NR6A1: variants seen among roughly 807,000 people sequenced by gnomAD.
NR6A1 encodes the protein nuclear receptor subfamily 6 group A member 1.
Under a neutral mutation model 59.1 loss-of-function variants are expected in NR6A1, and 7 were observed. That is an observed-to-expected ratio of 0.12 (90% confidence interval 0.07 to 0.22). NR6A1 has a LOEUF of 0.22. Ranked by LOEUF, NR6A1 falls within the 10% of genes least tolerant of loss-of-function variation. NR6A1 has a pLI of 1.00. For synonymous variants in NR6A1, 243 were observed against 236.1 expected (o/e 1.03, Z -0.27); for missense variants, 468 against 611.6 (o/e 0.77, Z 2.48).
At chr9:124,756,773 G>C (rs377591305) in intron 1 of NR6A1, among the ~76,000 whole-genome samples, 2 of 152,182 alleles carry the variant, frequency 1.3e-5, no homozygotes, top group Non-Finnish European at 2.9e-5. Flanking sequence ...GACTGTGGGA[G>C]ATGATATAAT....
intron 1 of NR6A1, among the ~76,000 whole-genome samples, chr9:124,746,848 A>C (rs565531828): frequency 1.6e-4 from 25 of 152,336 alleles, no homozygotes; most frequent in African/African-American, 6.0e-4. Context: ...CTGCATTGGA[A>C]AAATAGGTGA....
intron 2 of NR6A1, among the ~76,000 whole-genome samples, chr9:124,669,478 T>G (rs1042795735): frequency 2.6e-5 from 4 of 152,240 alleles, no homozygotes; most frequent in African/African-American, 9.6e-5. Flanking sequence ...CTTCAGTACC[T>G]TCACAATGTG....
At chr9:124,763,151 T>C (rs1241658680) in intron 1 of NR6A1, among the ~76,000 whole-genome samples, 2 of 152,242 alleles carry the variant, frequency 1.3e-5, no homozygotes, top group African/African-American at 4.8e-5. Flanking sequence ...TGGCATGTAC[T>C]TTTCCATTTT....
At chr9:124,742,899 T>C (rs1588846549) in intron 1 of NR6A1, among the ~76,000 whole-genome samples, 1 of 152,150 alleles carries the variant, frequency 6.6e-6, no homozygotes, top group Non-Finnish European at 1.5e-5. Flanking sequence ...AAATTAAAAA[T>C]AGAAATAAAA....
intron 2 of NR6A1, among the ~76,000 whole-genome samples, chr9:124,695,723 TACTC>T (rs1201360800): frequency 6.6e-6 from 1 of 152,106 alleles, no homozygotes; most frequent in Non-Finnish European, 1.5e-5. Context: ...ACACAGAAGG[TACTC>T]CACGCAGTCT....
intron 2 of NR6A1, among the ~76,000 whole-genome samples, chr9:124,657,269 A>T (rs1837288398): frequency 6.6e-6 from 1 of 152,224 alleles, no homozygotes; most frequent in African/African-American, 2.4e-5. Flanking sequence ...CATCTAAAAA[A>T]TTCCAAGTAC....
At chr9:124,615,922 T>C (rs1835875909) in intron 2 of NR6A1, among the ~76,000 whole-genome samples, 1 of 151,986 alleles carries the variant, frequency 6.6e-6, no homozygotes, top group Admixed American at 6.5e-5. Context: ...GCAACCTCCA[T>C]GACCATGTTG....
chr9:124,631,914 C>A (rs954455007), intron 2 of NR6A1, among the ~76,000 whole-genome samples: 1 of 152,086 alleles, frequency 6.6e-6, no homozygotes, highest in Non-Finnish European at 1.5e-5. Flanking sequence ...TGAGAACATG[C>A]GGTATTTGGC....
chr9:124,722,036 A>C (rs1839578871), intron 2 of NR6A1, among the ~76,000 whole-genome samples: 1 of 152,210 alleles, frequency 6.6e-6, no homozygotes, highest in South Asian at 2.1e-4. Context: ...TGCATAGTAA[A>C]TATTAGCTAT....
In NR6A1 at chr9:124,519,353, T is replaced by G. The variant is rs534261081; in HGVS notation, c.*3352A>C. The G allele has an allele frequency of 6.6e-6, 1 of 152,190 alleles. No individual in the cohort carries two copies. The highest frequency in any genetic ancestry group is 1.5e-5 in the Non-Finnish European group (1 of 68,066). 9.4% of individuals were successfully genotyped at this position (152,190 alleles called of 1,614,324 possible). On this transcript the variant is annotated 3_prime_UTR_variant, in exon 10 of 10. Transcript: ENST00000487099. Reference sequence around the variant, plus strand: ...GGGGCTGGGTGTCCTCTGAGCCAGGTTGAGCGCTTTGAGACAGATTCTGGG... The same window carrying G: ...GGGGCTGGGTGTCCTCTGAGCCAGGGTGAGCGCTTTGAGACAGATTCTGGG...
At chr9:124,550,539 G>T (rs963490288) in intron 3 of NR6A1, among the ~76,000 whole-genome samples, 10 of 149,618 alleles carry the variant, frequency 6.7e-5, no homozygotes, top group African/African-American at 2.5e-4. Context: ...TTTTTTTTTT[G>T]TATAGACGGG....
At chr9:124,754,278 G>A (rs74703353) in intron 1 of NR6A1, among the ~76,000 whole-genome samples, 344 of 152,264 alleles carry the variant, frequency 2.3e-3, no homozygotes, top group Non-Finnish European at 3.7e-3. Context: ...AAACCTATAT[G>A]AGATAATTCC....
intron 2 of NR6A1, among the ~76,000 whole-genome samples, chr9:124,556,370 A>T (rs182149378): frequency 2.0e-5 from 3 of 152,302 alleles, no homozygotes; most frequent in East Asian, 3.9e-4. Flanking sequence ...AGTCACCAGA[A>T]GTTGGAAGAG....
chr9:124,767,995 A>G (rs537860947), intron 1 of NR6A1, among the ~76,000 whole-genome samples: 226 of 152,346 alleles, frequency 1.5e-3, no homozygotes, highest in Non-Finnish European at 2.7e-3. Context: ...AAATGAGTTC[A>G]TGTTTGTTAT....
intron 2 of NR6A1, among the ~76,000 whole-genome samples, chr9:124,684,941 C>T (rs1026504829): frequency 8.6e-5 from 13 of 152,026 alleles, no homozygotes; most frequent in African/African-American, 3.1e-4. Flanking sequence ...CAGATTTTGA[C>T]TTGAAGGCTA....
rs546968963 is a variant in NR6A1 at position 124,592,656 on chromosome 9, C to T, written c.143-38086G>A. Among the ~76,000 whole-genome samples, 48 of 152,292 alleles carry T rather than the reference C, an allele frequency of 3.2e-4. No homozygotes were observed. In the East Asian group the frequency reaches 8.7e-3, roughly 28 times the overall value. On this transcript the variant is annotated intron_variant, in intron 2 of 9. Coordinates refer to ENST00000487099, the MANE Select transcript of NR6A1 (RefSeq NM_033334.4). ...AGAAGCCTAGAATAAACTAAACTTG[C>T]TAATTTCAAGCGCAGGTCTCCCCGC...
At chr9:124,657,977 A>ACCAAGGGTTG (rs905742638) in intron 2 of NR6A1, among the ~76,000 whole-genome samples, 6 of 152,168 alleles carry the variant, frequency 3.9e-5, no homozygotes, top group Admixed American at 3.9e-4. Context: ...TAAAATCAAG[A>ACCAAGGGTTG]CCAAGGGTTG....
chr9:124,532,720 G>C (rs2131336637), intron 7 of NR6A1, among the ~76,000 whole-genome samples: 1 of 152,280 alleles, frequency 6.6e-6, no homozygotes, highest in South Asian at 2.1e-4. Flanking sequence ...ATGTTCTAAA[G>C]ACAGCAACGC....
intron 2 of NR6A1, among the ~76,000 whole-genome samples, chr9:124,723,669 GC>G (rs770194157): frequency 1.3e-5 from 2 of 152,184 alleles, no homozygotes; most frequent in Non-Finnish European, 2.9e-5. Flanking sequence ...ATACTACATA[GC>G]CTAGAACAGT....
Sources: gnomAD v4.1 joint callset for allele counts (sites outside exome capture counted in the v4.1 genomes callset) on GRCh38, gnomAD v4.1.1 for gene constraint, MANE v1.5 for transcripts, NCBI Gene and HGNC (gene_info 2026-07-23, HGNC 2026-07-21) for gene names.